SLC6A20: variants seen among roughly 807,000 people sequenced by gnomAD.
The protein encoded by SLC6A20 is sodium- and chloride-dependent transporter XTRP3.
Under a neutral mutation model 64.3 loss-of-function variants are expected in SLC6A20, and 73 were observed. That is an observed-to-expected ratio of 1.14 (90% CI 0.94 to 1.38). The LOEUF (loss-of-function observed/expected upper bound fraction) is 1.38, where lower values mean the gene tolerates loss of function less well. SLC6A20 is among the 40% of genes most tolerant of loss of function. The pLI is 0.00. For missense variants in SLC6A20, 725 were observed against 772.8 expected, an observed-to-expected ratio of 0.94 and a Z score of 0.73; for synonymous variants, 347 against 329.6, an observed-to-expected ratio of 1.05 and a Z score of -0.57.
At position 45,762,948 on chromosome 3, in the gene SLC6A20, C is replaced by T. The variant is rs1318275698; in HGVS notation, c.1428G>A (p.Glu476=). 1 of 1,614,190 alleles carries T rather than the reference C, an allele frequency of 6.2e-7. No individual in the cohort carries two copies. ...TLSLLLIVLV[E]TIAVCYVYGL... Reference sequence around the variant, plus strand: ...CGTACACGTAGCACACGGCAATCGTCTCCACCAGCACGATGAGCAGCAGGG... The same window carrying T: ...CGTACACGTAGCACACGGCAATCGTTTCCACCAGCACGATGAGCAGCAGGG... Residue 476 remains glutamate, a synonymous_variant, in exon 9 of 11, where the codon GAG becomes GAA. Coordinates refer to ENST00000358525, the MANE Select transcript of SLC6A20 (RefSeq NM_020208.4).
chr3:45,776,799 C>T (rs986164512), intron 3 of SLC6A20, among the ~76,000 whole-genome samples: 49 of 152,284 alleles, frequency 3.2e-4, no homozygotes, highest in African/African-American at 7.2e-4. Context: ...ACAGCAAGGG[C>T]GATAGCAGCA....
In SLC6A20 at chr3:45,756,934, C is replaced by T. The variant is rs980465064; in HGVS notation, c.*2044G>A. ...TTGATCATTATTTTTACTGTCTTAG[C>T]GAGGGGAGTGTAGCAGGGCAACAGG... is the stretch of plus-strand genomic sequence containing the variant. On this transcript the variant is annotated 3_prime_UTR_variant, in exon 11 of 11. Coordinates refer to ENST00000358525, the MANE Select transcript of SLC6A20 (RefSeq NM_020208.4). 1.3e-5 allele frequency: 2 copies of T among 151,946 alleles called. No individual in the cohort carries two copies. Among genetic ancestry groups the T allele is most frequent in the South Asian group, 2.1e-4 (1 of 4,814 alleles). The allele number at this position is 151,946 out of a possible 1,614,324, so 9.4% of individuals were successfully genotyped here. A position where few individuals can be genotyped will look rare whatever the true frequency, so the allele number is the denominator to read the frequency against.
rs2125714828 is a variant in SLC6A20 at position 45,758,339 on chromosome 3, T to G, written c.*639A>C. 1 of 1,038,674 alleles carries G rather than the reference T, an allele frequency of 9.6e-7. No individual in the cohort carries two copies. Among genetic ancestry groups the G allele is most frequent in the African/African-American group, 1.7e-5 (1 of 59,634 alleles). 64.3% of individuals were successfully genotyped at this position (1,038,674 alleles called of 1,614,324 possible). A position where few individuals can be genotyped will look rare whatever the true frequency, so the allele number is the denominator to read the frequency against. On this transcript the variant is annotated 3_prime_UTR_variant, in exon 11 of 11. Coordinates refer to ENST00000358525, the MANE Select transcript of SLC6A20 (RefSeq NM_020208.4). ...GTGGTTTGGGGTTGCAAACTGTAGT[T>G]GGGGCAATTTTTTGTAGAGAGGTCT...
At position 45,796,491 on chromosome 3, in the gene SLC6A20, C is replaced by T. The variant is rs142486115; in HGVS notation, c.-72G>A. On this transcript the variant is annotated 5_prime_UTR_variant, in exon 1 of 11. Coordinates refer to ENST00000358525, the MANE Select transcript of SLC6A20 (RefSeq NM_020208.4). Reference sequence around the variant, plus strand: ...GCAGTCTCAGTGCGCGGTCGCCAGGCGCGCCGTCCCACCCCGGCTCGGCTT... The same window carrying T: ...GCAGTCTCAGTGCGCGGTCGCCAGGTGCGCCGTCCCACCCCGGCTCGGCTT... 1 of 1,483,148 alleles carries T rather than the reference C, an allele frequency of 6.7e-7. No individual in the cohort carries two copies. The allele number at this position is 1,483,148 out of a possible 1,614,324, so 91.9% of individuals were successfully genotyped here. A position where few individuals can be genotyped will look rare whatever the true frequency, so the allele number is the denominator to read the frequency against.
intron 7 of SLC6A20, among the ~76,000 whole-genome samples, chr3:45,766,606 A>T (rs1384065172): frequency 1.3e-5 from 2 of 152,226 alleles, no homozygotes; most frequent in East Asian, 3.8e-4. Context: ...ATGTGACTGT[A>T]TCTGGAGATA....
At chr3:45,792,117 C>T (rs1049586759) in intron 1 of SLC6A20, among the ~76,000 whole-genome samples, 9 of 152,180 alleles carry the variant, frequency 5.9e-5, no homozygotes, top group South Asian at 2.1e-4. Flanking sequence ...AGGTGGACAT[C>T]GCACAGGCTC....
Position 45,775,798 on chromosome 3 carries a change from T to TA in SLC6A20, c.544dup (p.Tyr182LeufsTer86), listed in dbSNP as rs755783226. ...CTCGGTGCCACGCAGGATGCACAGG[T>TA]ACACCACCAGCCAGGCCAGGAGGAG... On this transcript the variant is annotated frameshift_variant, in exon 4 of 11. Transcript: ENST00000358525. LOFTEE classifies it high-confidence loss of function. The TA allele has an allele frequency of 7.7e-5, 125 of 1,613,864 alleles. No individual in the cohort carries two copies. Among genetic ancestry groups the TA allele is most frequent in the Admixed American group, 4.8e-4 (29 of 59,998 alleles).
chr3:45,781,196 G>A (rs1287807060), intron 2 of SLC6A20, among the ~76,000 whole-genome samples: 1 of 150,772 alleles, frequency 6.6e-6, no homozygotes, highest in Non-Finnish European at 1.5e-5. Flanking sequence ...CTCCAGCCTG[G>A]GCAATAAGAG....
chr3:45,784,640 A>G (rs1321076243), intron 1 of SLC6A20, among the ~76,000 whole-genome samples: 1 of 152,218 alleles, frequency 6.6e-6, no homozygotes, highest in African/African-American at 2.4e-5. Flanking sequence ...CTCAAAACTC[A>G]ATAAGAAAAA....
At position 45,770,472 on chromosome 3, in the gene SLC6A20, A is replaced by G. The variant is rs61603235; in HGVS notation, c.936-101T>C. 5.5e-3 allele frequency: 7,709 copies of G among 1,409,114 alleles called. 300 individuals are homozygous for G. In the African/African-American group the frequency reaches 0.087, roughly 16 times the overall value. 87.3% of individuals were successfully genotyped at this position (1,409,114 alleles called of 1,614,324 possible). A position where few individuals can be genotyped will look rare whatever the true frequency, so the allele number is the denominator to read the frequency against. ...CTTTTCTGATTAGGTGAGGAAAGGG[A>G]GTCTGTTGCTTGGTGATCTTTTAAA... On this transcript the variant is annotated intron_variant, in intron 6 of 10. Transcript: ENST00000358525.
At chr3:45,794,879 G>A (rs933787449) in intron 1 of SLC6A20, among the ~76,000 whole-genome samples, 1 of 152,130 alleles carries the variant, frequency 6.6e-6, no homozygotes, top group South Asian at 2.1e-4. Context: ...GGCAACATAT[G>A]CCCTTCACAT....
chr3:45,796,347 G>C lies in SLC6A20; in HGVS notation c.73C>G (p.Leu25Val), dbSNP rs201504056. The part of the protein sequence containing the change: ...VFACISYAVG[L>V]GNVWRFPYLC... Reference sequence around the variant, plus strand: ...TACGGGAATCGCCACACGTTGCCCAGGCCCACGGCGTACGAGATGCAGGCG... The same window carrying C: ...TACGGGAATCGCCACACGTTGCCCACGCCCACGGCGTACGAGATGCAGGCG... The change falls in exon 1 of 11, where the codon CTG (leucine) becomes GTG (valine). Residue 25 changes from leucine to valine, a missense_variant. Physicochemically the swap from Leu to Val is conservative, Grantham distance 32. Coordinates refer to ENST00000358525, the MANE Select transcript of SLC6A20 (RefSeq NM_020208.4). The C allele has an allele frequency of 5.6e-6, 9 of 1,612,304 alleles. No individual in the cohort carries two copies. Among genetic ancestry groups the C allele is most frequent in the Non-Finnish European group, 7.6e-6 (9 of 1,179,490 alleles).
At chr3:45,782,364 C>T in intron 1 of SLC6A20, 141 bp from the exon 2 acceptor site, 1 of 1,179,962 alleles carries the variant, frequency 8.5e-7, no homozygotes, top group Non-Finnish European at 1.2e-6. Context: ...CATCCATCCT[C>T]CTCTTTCTAC....
Position 45,765,433 on chromosome 3 carries a change from A to C in SLC6A20, c.1303+104T>G. The C allele has an allele frequency of 2.3e-6, 3 of 1,304,670 alleles. No homozygotes were observed. The highest frequency in any genetic ancestry group is 3.2e-6 in the Non-Finnish European group (3 of 947,162). 80.8% of individuals were successfully genotyped at this position (1,304,670 alleles called of 1,614,324 possible). A position where few individuals can be genotyped will look rare whatever the true frequency, so the allele number is the denominator to read the frequency against. ...TGGTGAGGTGGCTGCAACCCCCTGTAGCCACCTGAACCAGCCCATGACCCC... is the reference window on the plus strand; with the variant it reads ...TGGTGAGGTGGCTGCAACCCCCTGTCGCCACCTGAACCAGCCCATGACCCC... On this transcript the variant is annotated intron_variant, in intron 8 of 10. Transcript: ENST00000358525. This position sits in a 1 kb window ranked among gnomAD's most constrained non-coding sequence, Gnocchi z 4.2.
rs758616442 is a variant in SLC6A20, at chr3:45,759,866, G to A, written c.1620C>T (p.Asp540=). 68 of 1,613,358 alleles carry A rather than the reference G, an allele frequency of 4.2e-5. No homozygotes were observed. The highest frequency in any genetic ancestry group is 2.0e-4 in the East Asian group (9 of 44,872). ...CGGAGACAGTAGATACCTGGGAGGC[G>A]TCCCAGGCTTGATACTTCAGGGTCC... ...LTGTLKYQAW[D]ASQGQLVTKD... is the part of the protein sequence containing the mutation. The change falls in exon 10 of 11, where the codon GAC becomes GAT. Residue 540 remains aspartate, a synonymous_variant. Coordinates refer to ENST00000358525, the MANE Select transcript of SLC6A20 (RefSeq NM_020208.4).
chr3:45,778,277 A>G (rs955431187), intron 3 of SLC6A20, among the ~76,000 whole-genome samples: 4 of 152,216 alleles, frequency 2.6e-5, no homozygotes, highest in African/African-American at 9.6e-5. Context: ...TCGGGTGCTC[A>G]GTGTGCTCAG....
At chr3:45,795,144 C>T (rs1700324329) in intron 1 of SLC6A20, among the ~76,000 whole-genome samples, 1 of 152,166 alleles carries the variant, frequency 6.6e-6, no homozygotes, top group South Asian at 2.1e-4. Flanking sequence ...CATACACACA[C>T]AAAAACACAC....
rs565804537 is a variant in SLC6A20 at position 45,780,610 on chromosome 3, G to A, written c.263-510C>T. On this transcript the variant is annotated intron_variant, in intron 2 of 10. Coordinates refer to ENST00000358525, the MANE Select transcript of SLC6A20 (RefSeq NM_020208.4). The stretch of plus-strand genomic sequence containing the variant: ...TCACCTGGTAGCCAGGAGAGGGGGT[G>A]TGAGGAGGCGGTGGGGAGGGGGCTG... Among the ~76,000 whole-genome samples, 5 of 152,314 alleles carry A rather than the reference G, an allele frequency of 3.3e-5. No homozygotes were observed. The East Asian group carries it at 7.7e-4, about 24-fold the overall frequency.
chr3:45,758,770 A>C lies in SLC6A20; in HGVS notation c.*208T>G. 3.0e-6 allele frequency: 4 copies of C among 1,330,284 alleles called. No individual in the cohort carries two copies. Among genetic ancestry groups the C allele is most frequent in the East Asian group, 5.9e-5 (2 of 33,654 alleles). The allele number at this position is 1,330,284 out of a possible 1,614,324, so 82.4% of individuals were successfully genotyped here. On this transcript the variant is annotated 3_prime_UTR_variant, in exon 11 of 11. Coordinates refer to ENST00000358525, the MANE Select transcript of SLC6A20 (RefSeq NM_020208.4). The stretch of plus-strand genomic sequence containing the variant: ...TAGCCCACCCCCTTCCATGATGAGG[A>C]GGCAGGTGACAGGGAGGAACAGCCA...
Sources: gnomAD v4.1 joint callset for allele counts (sites outside exome capture counted in the v4.1 genomes callset) on GRCh38, gnomAD v4.1.1 for gene constraint, Gnocchi (gnomAD v3.1) non-coding constraint, MANE v1.5 for transcripts, NCBI Gene and HGNC (gene_info 2026-07-23, HGNC 2026-07-21) for gene names.